CAMK4: variants seen among roughly 807,000 people sequenced by gnomAD.
CAMK4 encodes the protein calcium/calmodulin dependent protein kinase IV.
CAMK4 carries 22 observed loss-of-function variants against 44.9 expected under a neutral mutation model. The observed-to-expected ratio is 0.49, with a 90% CI of 0.35 to 0.70. The LOEUF (loss-of-function observed/expected upper bound fraction) is 0.70. Ranked by LOEUF, CAMK4 falls within the 30% of genes least tolerant of loss-of-function variation. The pLI, the probability that CAMK4 is intolerant of heterozygous loss-of-function variation, is 0.01. For missense variants in CAMK4, 498 were observed against 586.8 expected (o/e 0.85, Z 1.56); for synonymous variants, 218 against 215.4 (o/e 1.01, Z -0.11).
intron 5 of CAMK4, among the ~76,000 whole-genome samples, chr5:111,418,303 A>G (rs1752886530): frequency 6.6e-6 from 1 of 152,176 alleles, no homozygotes; most frequent in Non-Finnish European, 1.5e-5. Flanking sequence ...CACAGACATC[A>G]AGTACTTTAC....
chr5:111,406,438 G>T (rs191225314), intron 5 of CAMK4, among the ~76,000 whole-genome samples: 1 of 152,144 alleles, frequency 6.6e-6, no homozygotes, highest in Non-Finnish European at 1.5e-5. Context: ...TGGCCAGGCT[G>T]GTCTTGAACT....
At chr5:111,286,705 TTATAAA>T (rs1751251116) in intron 1 of CAMK4, among the ~76,000 whole-genome samples, 1 of 152,158 alleles carries the variant, frequency 6.6e-6, no homozygotes, top group African/African-American at 2.4e-5. Context: ...ATCACTAATA[TTATAAA>T]TATATTTTTA....
chr5:111,470,956 A>G (rs1319528115), intron 7 of CAMK4, among the ~76,000 whole-genome samples: 3 of 152,204 alleles, frequency 2.0e-5, no homozygotes, highest in Admixed American at 1.3e-4. Flanking sequence ...TGAGCATCCA[A>G]AAAAACCATT....
chr5:111,399,975 G>A (rs931940654), intron 5 of CAMK4, among the ~76,000 whole-genome samples: 3 of 152,132 alleles, frequency 2.0e-5, no homozygotes, highest in African/African-American at 7.2e-5. Flanking sequence ...AGTTATACCA[G>A]TTAAGAAATA....
chr5:111,336,852 C>G (rs1024615663), intron 1 of CAMK4, among the ~76,000 whole-genome samples: 2 of 150,798 alleles, frequency 1.3e-5, no homozygotes, highest in Admixed American at 6.6e-5. Context: ...TCACCACTTA[C>G]TGTTAAATGA....
chr5:111,273,677 T>TTATATATA lies in CAMK4; in HGVS notation c.161+49068_161+49075dup, dbSNP rs1160351356. Among the ~76,000 whole-genome samples the TTATATATA allele has an allele frequency of 4.9e-3, 203 of 41,014 alleles. 3 individuals carry two copies. The highest frequency in any genetic ancestry group is 0.021 in the Middle Eastern group (1 of 48). 26.9% of individuals were successfully genotyped at this position (41,014 alleles called of 152,430 possible). On this transcript the variant is annotated intron_variant, in intron 1 of 10. Transcript: ENST00000282356. ...TATCCGTCAGCTTTAAAAAATGCAT[T>TTATATATA]TATATATATATATATATATATATAT...
At chr5:111,266,947 C>T (rs1436124566) in intron 1 of CAMK4, among the ~76,000 whole-genome samples, 1 of 152,214 alleles carries the variant, frequency 6.6e-6, no homozygotes, top group African/African-American at 2.4e-5. Context: ...CAGTCGATTT[C>T]TTCTCTACTG....
At chr5:111,471,936 G>C (rs1755080653) in intron 7 of CAMK4, among the ~76,000 whole-genome samples, 1 of 151,890 alleles carries the variant, frequency 6.6e-6, no homozygotes, top group African/African-American at 2.4e-5. Flanking sequence ...GTCTTGTTCT[G>C]TTGCCCAGGT....
At chr5:111,323,792 A>G (rs1196534415) in intron 1 of CAMK4, among the ~76,000 whole-genome samples, 3 of 152,126 alleles carry the variant, frequency 2.0e-5, no homozygotes, top group Non-Finnish European at 4.4e-5. Flanking sequence ...ATAACACTAA[A>G]TAGAAGTTCA....
chr5:111,311,972 T>C (rs1748223747), intron 1 of CAMK4, among the ~76,000 whole-genome samples: 2 of 152,178 alleles, frequency 1.3e-5, no homozygotes, highest in African/African-American at 4.8e-5. Flanking sequence ...AAAAGTTACA[T>C]CATATTTTAG....
At chr5:111,280,788 C>G (rs963952365) in intron 1 of CAMK4, among the ~76,000 whole-genome samples, 4 of 152,184 alleles carry the variant, frequency 2.6e-5, no homozygotes, top group African/African-American at 7.2e-5. Flanking sequence ...AGAGAGAAAA[C>G]ATAATCTCAC....
chr5:111,454,768 G>A (rs902031100), intron 7 of CAMK4, among the ~76,000 whole-genome samples: 1 of 151,888 alleles, frequency 6.6e-6, no homozygotes, highest in Non-Finnish European at 1.5e-5. Context: ...AAGGCTTGAA[G>A]TTTGTGGATG....
chr5:111,366,341 C>A (rs1180946834), intron 2 of CAMK4, among the ~76,000 whole-genome samples: 4 of 152,048 alleles, frequency 2.6e-5, no homozygotes, highest in Admixed American at 2.0e-4. Context: ...ATGATTAAAA[C>A]AAAAAGAGCA....
chr5:111,411,767 T>C (rs1025346454), intron 5 of CAMK4, among the ~76,000 whole-genome samples: 1 of 152,252 alleles, frequency 6.6e-6, no homozygotes, highest in Non-Finnish European at 1.5e-5. Context: ...TAATCCCTTT[T>C]TAATTAAGTT....
Position 111,239,273 on chromosome 5 carries a change from C to T in CAMK4, c.161+14629C>T, listed in dbSNP as rs1178447115. On this transcript the variant is annotated intron_variant, in intron 1 of 10. Transcript: ENST00000282356. ...AAACCTATGATGCTTACGATTAATTCGAGGTCTGTTTTACTTGTGTTTTGC... is the reference window on the plus strand; with the variant it reads ...AAACCTATGATGCTTACGATTAATTTGAGGTCTGTTTTACTTGTGTTTTGC... 2.6e-5 allele frequency among the ~76,000 whole-genome samples: 4 copies of T among 151,984 alleles called. No homozygotes were observed. In the East Asian group the frequency reaches 5.8e-4, roughly 22 times the overall value.
intron 8 of CAMK4, among the ~76,000 whole-genome samples, chr5:111,475,820 A>G (rs1755216394): frequency 6.6e-6 from 1 of 152,094 alleles, no homozygotes; most frequent in African/African-American, 2.4e-5. Flanking sequence ...TGATCTCTGT[A>G]TCTTCTTTAT....
intron 1 of CAMK4, among the ~76,000 whole-genome samples, chr5:111,254,948 A>T (rs1749677102): frequency 6.6e-6 from 1 of 151,904 alleles, no homozygotes; most frequent in South Asian, 2.1e-4. Flanking sequence ...GCTGGGGGGA[A>T]ATGTGAAGCA....
chr5:111,286,362 A>G (rs184795392), intron 1 of CAMK4, among the ~76,000 whole-genome samples: 53 of 152,310 alleles, frequency 3.5e-4, no homozygotes, highest in Non-Finnish European at 1.9e-4. Context: ...TTGAAAATGT[A>G]TAGTTGGCTA....
intron 7 of CAMK4, among the ~76,000 whole-genome samples, chr5:111,453,596 GT>G (rs996660335): frequency 6.6e-6 from 1 of 152,028 alleles, no homozygotes; most frequent in African/African-American, 2.4e-5. Flanking sequence ...CGCAGAGACT[GT>G]TTTATATTCT....
Sources: gnomAD v4.1 joint callset for allele counts (sites outside exome capture counted in the v4.1 genomes callset) on GRCh38, gnomAD v4.1.1 for gene constraint, MANE v1.5 for transcripts, NCBI Gene and HGNC (gene_info 2026-07-23, HGNC 2026-07-21) for gene names.